PTPRE: variants seen among roughly 807,000 people sequenced by gnomAD.
PTPRE encodes the protein protein tyrosine phosphatase receptor type E.
PTPRE carries 51 observed loss-of-function variants against 102.0 expected under a neutral mutation model. That is an observed-to-expected ratio of 0.50 (90% confidence interval 0.40 to 0.63). PTPRE has a LOEUF of 0.63. PTPRE is among the 30% of genes least tolerant of loss of function. The pLI is 0.00. For synonymous variants in PTPRE, 345 were observed against 348.2 expected (o/e 0.99, Z 0.10); for missense variants, 752 against 915.1 (o/e 0.82, Z 2.30).
At chr10:128,062,925 G>A (rs941275974) in intron 9 of PTPRE, 158 bp from the exon 10 acceptor site, 33 of 1,327,744 alleles carry the variant, frequency 2.5e-5, no homozygotes, top group African/African-American at 1.5e-4. Context: ...AGCCCCTACC[G>A]GTTCCGGAAC....
intron 1 of PTPRE, among the ~76,000 whole-genome samples, chr10:127,949,272 C>T (rs1409615563): frequency 6.6e-6 from 1 of 152,130 alleles, no homozygotes; most frequent in Admixed American, 6.5e-5. Context: ...AAATCCCTTC[C>T]CATGTGTCTA....
At chr10:128,065,249 C>T (rs911519599) in intron 10 of PTPRE, among the ~76,000 whole-genome samples, 6 of 152,252 alleles carry the variant, frequency 3.9e-5, no homozygotes, top group African/African-American at 1.4e-4. Context: ...TGACCACGAG[C>T]TGTGCTGCTC....
intron 4 of PTPRE, 125 bp from the exon 5 acceptor site, chr10:128,047,639 C>T (rs7912703): frequency 0.35 from 560,111 of 1,613,838 alleles, 100,907 homozygotes; most frequent in Admixed American, 0.6. Context: ...GGCCTTAGCG[C>T]GGCTCAGCCA....
chr10:127,970,998 G>C lies in PTPRE; in HGVS notation c.-30-11276G>C, dbSNP rs563829915. 1.7e-3 allele frequency among the ~76,000 whole-genome samples: 256 copies of C among 152,230 alleles called. 2 individuals are homozygous for C. Among genetic ancestry groups the C allele is most frequent in the African/African-American group, 6.0e-3 (249 of 41,536 alleles). On this transcript the variant is annotated intron_variant, in intron 1 of 20. Transcript: ENST00000254667. Reference sequence around the variant, plus strand: ...AATTGATGTAGCAAAATCAGCTGCAGTCATTATCCTGTCCCATATCTGTGG... The same window carrying C: ...AATTGATGTAGCAAAATCAGCTGCACTCATTATCCTGTCCCATATCTGTGG...
chr10:128,015,315 A>G (rs1300738087), intron 2 of PTPRE, among the ~76,000 whole-genome samples: 3 of 152,174 alleles, frequency 2.0e-5, no homozygotes, highest in African/African-American at 7.2e-5. Flanking sequence ...AGGTCAAGGC[A>G]GAAGAATCGC....
At chr10:128,064,982 G>C (rs1488504770) in intron 10 of PTPRE, among the ~76,000 whole-genome samples, 1 of 152,148 alleles carries the variant, frequency 6.6e-6, no homozygotes, top group African/African-American at 2.4e-5. Flanking sequence ...TCCTACTGGA[G>C]AGCCTTCAAG....
chr10:127,989,226 T>A (rs549489880), intron 2 of PTPRE, among the ~76,000 whole-genome samples: 3 of 152,188 alleles, frequency 2.0e-5, no homozygotes, highest in African/African-American at 7.2e-5. Context: ...TTTAAAGCTA[T>A]CATGTTAGCA....
intron 2 of PTPRE, among the ~76,000 whole-genome samples, chr10:128,019,155 G>A (rs1003137035): frequency 1.3e-4 from 20 of 152,320 alleles, no homozygotes; most frequent in Middle Eastern, 3.4e-3. Context: ...ATCGTGCAGC[G>A]GTTCCATCAG....
At position 128,072,127 on chromosome 10, in the gene PTPRE, A is replaced by G. The variant is rs563403554; in HGVS notation, c.1388-11A>G. 6.2e-7 allele frequency: 1 copy of G among 1,612,482 alleles called. No individual in the cohort carries two copies. Among genetic ancestry groups the G allele is most frequent in the Non-Finnish European group, 8.5e-7 (1 of 1,178,860 alleles). The stretch of plus-strand genomic sequence containing the variant: ...TTTTTGTAATAACTAAAGGAAGATA[A>G]TGCTTTGCAGATGACTTCAACCGAG... On this transcript the variant is annotated splice_polypyrimidine_tract_variant and intron_variant, in intron 15 of 20. Transcript: ENST00000254667.
intron 2 of PTPRE, among the ~76,000 whole-genome samples, chr10:128,030,802 T>C (rs1846682013): frequency 6.6e-6 from 1 of 152,148 alleles, no homozygotes; most frequent in Non-Finnish European, 1.5e-5. Flanking sequence ...CCCTGTGCTC[T>C]CTGTCCCCTG....
intron 1 of PTPRE, chr10:127,935,943 T>C (rs1847818300): frequency 6.6e-6 from 1 of 152,278 alleles, no homozygotes; most frequent in African/African-American, 2.4e-5. Context: ...CGAGGCCTTC[T>C]TCCCTCTGCT....
At chr10:128,081,420 C>T (rs939754708) in intron 20 of PTPRE, among the ~76,000 whole-genome samples, 13 of 152,234 alleles carry the variant, frequency 8.5e-5, no homozygotes, top group African/African-American at 2.9e-4. Context: ...TCCGAGCACA[C>T]TCCAAAGTAC....
chr10:128,010,416 A>C (rs1053963158), intron 2 of PTPRE, among the ~76,000 whole-genome samples: 1 of 152,188 alleles, frequency 6.6e-6, no homozygotes, highest in Non-Finnish European at 1.5e-5. Flanking sequence ...GCCGGGGCAC[A>C]GATCCCATCA....
intron 7 of PTPRE, among the ~76,000 whole-genome samples, chr10:128,057,991 G>A (rs777276053): frequency 1.4e-4 from 22 of 152,226 alleles, no homozygotes; most frequent in Admixed American, 2.0e-4. Flanking sequence ...CCTTAATTGA[G>A]TGGTTTTAAG....
intron 2 of PTPRE, among the ~76,000 whole-genome samples, chr10:127,985,207 C>G (rs1851980473): frequency 6.6e-6 from 1 of 152,224 alleles, no homozygotes; most frequent in Admixed American, 6.5e-5. Flanking sequence ...CTGTGCAAGC[C>G]TTCTTTTCTC....
intron 2 of PTPRE, among the ~76,000 whole-genome samples, chr10:128,018,072 G>A (rs1035353676): frequency 6.6e-6 from 1 of 152,192 alleles, no homozygotes; most frequent in Non-Finnish European, 1.5e-5. Flanking sequence ...TGCCTGCCCT[G>A]CAGAGCCCAG....
At chr10:128,071,261 G>A (rs1266886404) in intron 15 of PTPRE, 3 of 307,856 alleles carry the variant, frequency 9.7e-6, no homozygotes, top group African/African-American at 2.1e-5. Flanking sequence ...CCCCAAGCCT[G>A]GGCAGAGGCC....
At position 128,028,725 on chromosome 10, in the gene PTPRE, C is replaced by T. The variant is rs1846469181; in HGVS notation, c.-7-12150C>T. 6.6e-6 allele frequency among the ~76,000 whole-genome samples: 1 copy of T among 152,162 alleles called. No individual in the cohort carries two copies. Among genetic ancestry groups the T allele is most frequent in the African/African-American group, 2.4e-5 (1 of 41,434 alleles). On this transcript the variant is annotated intron_variant, in intron 2 of 20. Transcript: ENST00000254667. The surrounding 1 kb of genome is among the most constrained non-coding windows in gnomAD (Gnocchi z 4.5). ...TCATTCCCAGAACACGAAGCCAAGG[C>T]CAGGAGTCGGGATCTGCTCCCAGGA...
rs772800501 is a variant in PTPRE, at chr10:128,036,598, T to A, written c.-7-4277T>A. Among the ~76,000 whole-genome samples the A allele has an allele frequency of 7.2e-4, 109 of 152,190 alleles. 1 individual carries two copies. Among genetic ancestry groups the A allele is most frequent in the Non-Finnish European group, 5.4e-4 (37 of 68,010 alleles). ...CCCCCATTGTCCTTGTCTCAGCTAATGAATGATGCTCCCTCCCACCCCAGC... is the reference window on the plus strand; with the variant it reads ...CCCCCATTGTCCTTGTCTCAGCTAAAGAATGATGCTCCCTCCCACCCCAGC... On this transcript the variant is annotated intron_variant, in intron 2 of 20. Transcript: ENST00000254667.
Sources: allele counts gnomAD v4.1 joint callset (sites outside exome capture counted in the v4.1 genomes callset), GRCh38; gene constraint gnomAD v4.1.1; non-coding constraint Gnocchi (gnomAD v3.1); transcripts MANE v1.5; gene names NCBI Gene and HGNC (gene_info 2026-07-23, HGNC 2026-07-21).